Variants in DENND2B observed in about 807,000 individuals in gnomAD.
DENND2B encodes the protein DENN domain-containing protein 2B.
A neutral mutation model predicts 116.0 loss-of-function variants in DENND2B; 32 were observed. The observed-to-expected ratio is 0.28, with a 90% confidence interval of 0.21 to 0.37. The LOEUF (loss-of-function observed/expected upper bound fraction) is 0.37. Among genes scored for constraint, DENND2B ranks in the 10% least tolerant of loss-of-function variants. The pLI, the probability that DENND2B is intolerant of heterozygous loss-of-function variation, is 1.00. For synonymous variants in DENND2B, 588 were observed against 583.9 expected (o/e 1.01, Z -0.10); for missense variants, 1,276 against 1,477.7 (o/e 0.86, Z 2.24).
At chr11:8,779,353 A>C (rs2058094110) in intron 1 of DENND2B, among the ~76,000 whole-genome samples, 1 of 152,156 alleles carries the variant, frequency 6.6e-6, no homozygotes, top group Non-Finnish European at 1.5e-5. Flanking sequence ...CATTCAACTG[A>C]GGCTCAGCCC....
intron 4 of DENND2B, among the ~76,000 whole-genome samples, chr11:8,817,444 G>T (rs1445909690): frequency 6.6e-6 from 1 of 151,974 alleles, no homozygotes; most frequent in Non-Finnish European, 1.5e-5. Flanking sequence ...CCCATTCTGT[G>T]GTCAAGTCCT....
intron 1 of DENND2B, among the ~76,000 whole-genome samples, chr11:8,778,702 A>G (rs1341729644): frequency 6.6e-6 from 1 of 152,202 alleles, no homozygotes; most frequent in Non-Finnish European, 1.5e-5. Context: ...GGCCCACATT[A>G]GTCACTGCTG....
intron 2 of DENND2B, among the ~76,000 whole-genome samples, chr11:8,733,224 G>A (rs986029895): frequency 6.6e-6 from 1 of 151,790 alleles, no homozygotes; most frequent in Admixed American, 6.5e-5. Context: ...GGCTTGAGGC[G>A]GGGGGAGATC....
chr11:8,754,704 G>C (rs141965820), intron 1 of DENND2B, among the ~76,000 whole-genome samples: 2 of 152,242 alleles, frequency 1.3e-5, no homozygotes, highest in East Asian at 3.9e-4. Flanking sequence ...AACAAAATGT[G>C]GTATATATCA....
intron 1 of DENND2B, among the ~76,000 whole-genome samples, chr11:8,788,367 C>T (rs866282374): frequency 2.6e-5 from 4 of 152,204 alleles, no homozygotes; most frequent in Admixed American, 1.3e-4. Flanking sequence ...AGTATTAACC[C>T]CCTACCTCAT....
chr11:8,741,563 G>A (rs199751059), intron 2 of DENND2B, among the ~76,000 whole-genome samples: 36 of 152,302 alleles, frequency 2.4e-4, no homozygotes, highest in African/African-American at 7.0e-4. Flanking sequence ...GTTTTAAAAC[G>A]TGGTCCCCAA....
At chr11:8,832,285 T>A (rs927568176) in intron 4 of DENND2B, among the ~76,000 whole-genome samples, 11 of 152,268 alleles carry the variant, frequency 7.2e-5, no homozygotes, top group Middle Eastern at 3.4e-3. Flanking sequence ...ACCCCGTCTC[T>A]AGTACAAAAT....
intron 3 of DENND2B, among the ~76,000 whole-genome samples, chr11:8,854,452 T>C (rs1165930175): frequency 6.6e-6 from 1 of 152,112 alleles, no homozygotes; most frequent in Non-Finnish European, 1.5e-5. Context: ...TCCACCTGCG[T>C]CGGCCTCCCA....
At chr11:8,830,025 G>A (rs774524312) in intron 4 of DENND2B, among the ~76,000 whole-genome samples, 12 of 152,074 alleles carry the variant, frequency 7.9e-5, no homozygotes, top group African/African-American at 2.9e-4. Context: ...TCTAGGACTC[G>A]CCCCCTTCCT....
chr11:8,897,780 T>C (rs1468472291), intron 1 of DENND2B, among the ~76,000 whole-genome samples: 1 of 152,168 alleles, frequency 6.6e-6, no homozygotes. Context: ...GACTGAACTC[T>C]ATTTCTTTGT....
intron 1 of DENND2B, among the ~76,000 whole-genome samples, chr11:8,780,179 T>C (rs558417262): frequency 2.6e-5 from 4 of 152,316 alleles, no homozygotes; most frequent in African/African-American, 9.6e-5. Flanking sequence ...CAACCATGCA[T>C]AAGCCAATAT....
At chr11:8,869,820 G>C (rs1016007888) in intron 2 of DENND2B, among the ~76,000 whole-genome samples, 1 of 152,124 alleles carries the variant, frequency 6.6e-6, no homozygotes, top group Non-Finnish European at 1.5e-5. Flanking sequence ...TTCTGGCCTT[G>C]TGCGGTCCTT....
chr11:8,838,054 C>G (rs980525076), intron 4 of DENND2B, among the ~76,000 whole-genome samples: 2 of 152,202 alleles, frequency 1.3e-5, no homozygotes, highest in Non-Finnish European at 2.9e-5. Flanking sequence ...CTTAAGTTAT[C>G]CTCGTCAGAG....
At chr11:8,896,834 T>C (rs1356032647) in intron 1 of DENND2B, among the ~76,000 whole-genome samples, 2 of 152,262 alleles carry the variant, frequency 1.3e-5, no homozygotes, top group Non-Finnish European at 2.9e-5. Context: ...GTGTATTAAA[T>C]GCATTTTTGA....
intron 1 of DENND2B, chr11:8,809,392 C>T (rs1308853492): frequency 3.9e-5 from 6 of 152,188 alleles, no homozygotes; most frequent in Admixed American, 3.9e-4. Flanking sequence ...CAGCTGTTCC[C>T]TCATCCCACA....
chr11:8,722,651 T>G (rs188037383), intron 4 of DENND2B, among the ~76,000 whole-genome samples: 1 of 152,182 alleles, frequency 6.6e-6, no homozygotes, highest in South Asian at 2.1e-4. Flanking sequence ...TTCCTCTGTA[T>G]TTCCCTCTGG....
intron 4 of DENND2B, among the ~76,000 whole-genome samples, chr11:8,819,225 A>G (rs114975088): frequency 0.021 from 3,205 of 152,066 alleles, 90 homozygotes; most frequent in East Asian, 0.1. Flanking sequence ...CAAAACCCCC[A>G]TCTCTACAAA....
chr11:8,885,417 T>A (rs2063949840), intron 1 of DENND2B, among the ~76,000 whole-genome samples: 1 of 152,114 alleles, frequency 6.6e-6, no homozygotes, highest in African/African-American at 2.4e-5. Context: ...GCAGAAAGGA[T>A]ATAAATTTGC....
At chr11:8,753,882 A>T (rs1362862825) in intron 1 of DENND2B, among the ~76,000 whole-genome samples, 1 of 152,204 alleles carries the variant, frequency 6.6e-6, no homozygotes, top group East Asian at 1.9e-4. Flanking sequence ...GCCCCACCTC[A>T]TACCATATTT....
Sources: allele counts gnomAD v4.1 joint callset (sites outside exome capture counted in the v4.1 genomes callset), GRCh38; gene constraint gnomAD v4.1.1; transcripts MANE v1.5; gene names NCBI Gene and HGNC (gene_info 2026-07-23, HGNC 2026-07-21).